The following ARHGEF12 variants were observed in gnomAD, a reference collection of about 807,000 sequenced individuals.
ARHGEF12 encodes Rho guanine nucleotide exchange factor 12, also known as KMT2A/ARHGEF12 fusion protein.
A neutral mutation model predicts 211.2 loss-of-function variants in ARHGEF12; 66 were observed. That is an observed-to-expected ratio of 0.31 (90% CI 0.26 to 0.38). The LOEUF is 0.38. Among genes scored for constraint, ARHGEF12 ranks in the 10% least tolerant of loss-of-function variants. The probability of loss-of-function intolerance (pLI) is 1.00; values close to 1 mark genes in which losing one functional copy is unlikely to be tolerated. For missense variants in ARHGEF12, 1,429 were observed against 1,869.5 expected, an observed-to-expected ratio of 0.76 and a Z score of 4.34; for synonymous variants, 592 against 638.4, an observed-to-expected ratio of 0.93 and a Z score of 1.09.
chr11:120,378,999 A>G (rs964013290), intron 1 of ARHGEF12, among the ~76,000 whole-genome samples: 1 of 152,182 alleles, frequency 6.6e-6, no homozygotes, highest in African/African-American at 2.4e-5. Flanking sequence ...TACAGAAAAC[A>G]GGCTGAGATT....
intron 1 of ARHGEF12, among the ~76,000 whole-genome samples, chr11:120,352,666 C>T (rs562836919): frequency 1.3e-3 from 199 of 152,214 alleles, no homozygotes; most frequent in African/African-American, 4.4e-3. Context: ...TGGCCCTGTG[C>T]TTTGCCTCTG....
At position 120,437,390 on chromosome 11, in the gene ARHGEF12, T is replaced by G. The variant is rs755793485; in HGVS notation, c.999+8T>G. 3 of 1,606,238 alleles carry G rather than the reference T, an allele frequency of 1.9e-6. No homozygotes were observed. The South Asian group carries it at 3.3e-5, about 18-fold the overall frequency. On this transcript the variant is annotated splice_region_variant and intron_variant, in intron 12 of 40. Coordinates refer to ENST00000397843, the MANE Select transcript of ARHGEF12 (RefSeq NM_015313.3). The stretch of plus-strand genomic sequence containing the variant: ...GAAACAATTCAGGACACTGTGAGTA[T>G]GAAATCCATGCAATGATAGTGCTGT...
At position 120,336,935 on chromosome 11, in the gene ARHGEF12, C is replaced by G. The variant is rs572897060; in HGVS notation, c.-309C>G. The stretch of plus-strand genomic sequence containing the variant: ...GGAGTCCCGGGTCCCCTTCCCACTG[C>G]GCGCGGATTTCCCTCTCTGAGGAAG... On this transcript the variant is annotated 5_prime_UTR_variant, in exon 1 of 41. Transcript: ENST00000397843. 2.3e-6 allele frequency: 1 copy of G among 442,226 alleles called. No individual in the cohort carries two copies. Among genetic ancestry groups the G allele is most frequent in the Admixed American group, 4.1e-5 (1 of 24,116 alleles). 27.4% of individuals were successfully genotyped at this position (442,226 alleles called of 1,614,324 possible).
intron 8 of ARHGEF12, 38 bp from the exon 9 acceptor site, chr11:120,429,402 A>G (rs772074500): frequency 6.5e-6 from 10 of 1,539,284 alleles, no homozygotes; most frequent in Admixed American, 1.7e-5. Context: ...TTTTGTCTAT[A>G]CTGGTTGTTG....
Position 120,488,512 on chromosome 11 carries a change from GAA to G in ARHGEF12, c.*3438_*3439del, listed in dbSNP as rs1290694307. The G allele has an allele frequency of 1.8e-5, 4 of 217,312 alleles. No homozygotes were observed. The highest frequency in any genetic ancestry group is 5.8e-5 in the Admixed American group (1 of 17,184). The allele number at this position is 217,312 out of a possible 1,614,324, so 13.5% of individuals were successfully genotyped here. A position where few individuals can be genotyped will look rare whatever the true frequency, so the allele number is the denominator to read the frequency against. On this transcript the variant is annotated 3_prime_UTR_variant, in exon 41 of 41. Coordinates refer to ENST00000397843, the MANE Select transcript of ARHGEF12 (RefSeq NM_015313.3). ...ATCTACAAAATTTTTCTTTCCTCAA[GAA>G]AAGAGTTCCTTTTGCCTTATTCCTT...
In ARHGEF12 at chr11:120,488,757, C is replaced by CT. The variant is rs1474832153; in HGVS notation, c.*3683dup. The CT allele has an allele frequency of 4.7e-6, 1 of 214,190 alleles. No individual in the cohort carries two copies. Among genetic ancestry groups the CT allele is most frequent in the African/African-American group, 2.3e-5 (1 of 44,258 alleles). The allele number at this position is 214,190 out of a possible 1,614,324, so 13.3% of individuals were successfully genotyped here. Reference sequence around the variant, plus strand: ...CTTGTTCACCATACAATCATGTACTCTTTAACAGAAATTGCTTTTAAAAAA... The same window carrying CT: ...CTTGTTCACCATACAATCATGTACTCTTTTAACAGAAATTGCTTTTAAAAAA... On this transcript the variant is annotated 3_prime_UTR_variant, in exon 41 of 41. Transcript: ENST00000397843.
At chr11:120,343,718 A>G (rs953892637) in intron 1 of ARHGEF12, among the ~76,000 whole-genome samples, 4 of 152,174 alleles carry the variant, frequency 2.6e-5, no homozygotes, top group Non-Finnish European at 5.9e-5. Context: ...TTGGACTGCA[A>G]GTAACAATTC....
intron 1 of ARHGEF12, among the ~76,000 whole-genome samples, chr11:120,387,662 A>G (rs1168090049): frequency 6.6e-6 from 1 of 152,110 alleles, no homozygotes; most frequent in African/African-American, 2.4e-5. Flanking sequence ...GTAGTATAGA[A>G]CTTGCTAACC....
intron 3 of ARHGEF12, chr11:120,408,026 G>T: frequency 4.4e-6 from 2 of 456,326 alleles, no homozygotes; most frequent in Non-Finnish European, 7.7e-6. Context: ...TTCCACTACA[G>T]AAGTATCATT....
At chr11:120,458,725 T>C (rs916914098) in intron 25 of ARHGEF12, 1 of 161,776 alleles carries the variant, frequency 6.2e-6, no homozygotes, top group African/African-American at 2.4e-5. Context: ...GTGATATGAA[T>C]AAATATCTTG....
At chr11:120,431,619 C>A in intron 10 of ARHGEF12, 152 bp from the exon 11 acceptor site, 1 of 707,466 alleles carries the variant, frequency 1.4e-6, no homozygotes, top group Non-Finnish European at 2.0e-6. Flanking sequence ...GGATTTTACT[C>A]GTAGAATTTT....
At chr11:120,385,655 A>G (rs1944008850) in intron 1 of ARHGEF12, among the ~76,000 whole-genome samples, 1 of 152,234 alleles carries the variant, frequency 6.6e-6, no homozygotes, top group African/African-American at 2.4e-5. Flanking sequence ...TAGGATTTTT[A>G]TCATGTTTTA....
intron 1 of ARHGEF12, among the ~76,000 whole-genome samples, chr11:120,351,435 A>T (rs1591488536): frequency 3.2e-4 from 1 of 3,122 alleles, no homozygotes; most frequent in African/African-American, 1.9e-3. Flanking sequence ...ATATATATAT[A>T]TATATATATA....
intron 1 of ARHGEF12, among the ~76,000 whole-genome samples, chr11:120,361,741 C>G (rs917034725): frequency 6.6e-6 from 1 of 152,162 alleles, no homozygotes; most frequent in Non-Finnish European, 1.5e-5. Flanking sequence ...TCACATTTAT[C>G]TTGTTCACTT....
At chr11:120,337,461 A>C in intron 1 of ARHGEF12, 186 bp downstream of exon 1, 1 of 985,300 alleles carries the variant, frequency 1.0e-6, no homozygotes, top group Non-Finnish European at 1.2e-6. Flanking sequence ...TTGGAAATGT[A>C]ATTTTTCCGG....
intron 1 of ARHGEF12, among the ~76,000 whole-genome samples, chr11:120,347,143 C>T (rs1387559658): frequency 1.7e-4 from 8 of 46,208 alleles, no homozygotes; most frequent in South Asian, 1.1e-3. Flanking sequence ...TTCCTTCCTT[C>T]CTTCCTTCCT....
intron 32 of ARHGEF12, among the ~76,000 whole-genome samples, chr11:120,474,984 G>A (rs1946986808): frequency 6.6e-6 from 1 of 151,996 alleles, no homozygotes; most frequent in South Asian, 2.1e-4. Flanking sequence ...TTTCTATGTT[G>A]CCCAGGCTGG....
chr11:120,347,163 C>T (rs372012377), intron 1 of ARHGEF12, among the ~76,000 whole-genome samples: 25,320 of 69,552 alleles, frequency 0.36, 3,795 homozygotes, highest in African/African-American at 0.47. Context: ...TTCCTTCCTT[C>T]CTTCCTTCCT....
At chr11:120,458,468 A>G (rs958714889) in intron 25 of ARHGEF12, 126 of 424,496 alleles carry the variant, frequency 3.0e-4, no homozygotes, top group Admixed American at 1.7e-4. Flanking sequence ...TTTAAGATTC[A>G]TAGCATTATA....
Sources: gnomAD v4.1 joint callset for allele counts (sites outside exome capture counted in the v4.1 genomes callset) on GRCh38, gnomAD v4.1.1 for gene constraint, MANE v1.5 for transcripts, NCBI Gene and HGNC (gene_info 2026-07-23, HGNC 2026-07-21) for gene names.